The following CDK8 variants were observed in gnomAD, a reference collection of about 807,000 sequenced individuals.
CDK8 encodes the protein cyclin-dependent kinase 8.
Under a neutral mutation model 71.5 loss-of-function variants are expected in CDK8, and 29 were observed. The observed-to-expected ratio is 0.41, with a 90% CI of 0.30 to 0.55. The LOEUF is 0.55. Ranked by LOEUF, CDK8 falls within the 20% of genes least tolerant of loss-of-function variation. The pLI, the probability that CDK8 is intolerant of heterozygous loss-of-function variation, is 0.37. For missense variants in CDK8, 288 were observed against 572.6 expected, an observed-to-expected ratio of 0.50 and a Z score of 5.07; for synonymous variants, 161 against 192.1, an observed-to-expected ratio of 0.84 and a Z score of 1.34.
chr13:26,321,513 A>G (rs1470600976), intron 1 of CDK8, among the ~76,000 whole-genome samples: 1 of 152,144 alleles, frequency 6.6e-6, no homozygotes, highest in African/African-American at 2.4e-5. Flanking sequence ...CTGTACACTT[A>G]AAAATGGTTA....
chr13:26,275,161 T>C (rs17083605), intron 1 of CDK8, among the ~76,000 whole-genome samples: 16,457 of 152,176 alleles, frequency 0.11, 2,635 homozygotes, highest in African/African-American at 0.35. Flanking sequence ...TGTTACTCCC[T>C]TTGTTGTTTT....
At chr13:26,275,324 G>T (rs1184729249) in intron 1 of CDK8, among the ~76,000 whole-genome samples, 6 of 152,080 alleles carry the variant, frequency 3.9e-5, no homozygotes, top group Non-Finnish European at 7.4e-5. Flanking sequence ...TTGAGATTTG[G>T]GTTGAATTGT....
At chr13:26,269,545 A>AT (rs1363155658) in intron 1 of CDK8, among the ~76,000 whole-genome samples, 108 of 150,190 alleles carry the variant, frequency 7.2e-4, no homozygotes, top group African/African-American at 1.8e-3. Context: ...TTCTCTTTAG[A>AT]TTGTTTTTTT....
intron 1 of CDK8, among the ~76,000 whole-genome samples, chr13:26,277,784 T>C (rs1239491884): frequency 1.3e-5 from 2 of 152,140 alleles, no homozygotes; most frequent in Admixed American, 1.3e-4. Context: ...TCTCTAAAAG[T>C]TTAGGTATAT....
intron 4 of CDK8, among the ~76,000 whole-genome samples, chr13:26,362,221 T>TGG (rs1874176103): frequency 2.5e-5 from 3 of 120,066 alleles, no homozygotes; most frequent in Admixed American, 8.9e-5. Flanking sequence ...TGATAGATGA[T>TGG]AGATGGATGG....
At chr13:26,336,132 CACACACACACATACACACAT>C (rs1206397576) in intron 1 of CDK8, among the ~76,000 whole-genome samples, 1 of 151,364 alleles carries the variant, frequency 6.6e-6, no homozygotes, top group Non-Finnish European at 1.5e-5. Flanking sequence ...TACACACACA[CACACACACACATACACACAT>C]ACACACACAC....
intron 1 of CDK8, among the ~76,000 whole-genome samples, chr13:26,322,173 TG>T (rs960858586): frequency 1.3e-5 from 2 of 152,178 alleles, no homozygotes; most frequent in Admixed American, 6.6e-5. Context: ...GGAAATGACA[TG>T]GTTTCCTCCC....
intron 1 of CDK8, among the ~76,000 whole-genome samples, chr13:26,275,872 AC>A (rs921275622): frequency 1.3e-5 from 2 of 151,144 alleles, no homozygotes; most frequent in Admixed American, 1.3e-4. Flanking sequence ...ATTGGCTCTA[AC>A]TTTTTTTTTT....
At chr13:26,306,590 T>G (rs1426416687) in intron 1 of CDK8, among the ~76,000 whole-genome samples, 1 of 151,412 alleles carries the variant, frequency 6.6e-6, no homozygotes, top group Non-Finnish European at 1.5e-5. Flanking sequence ...CCTTGATTCT[T>G]CCCTACTTCC....
intron 1 of CDK8, among the ~76,000 whole-genome samples, chr13:26,301,708 A>T (rs1175682): frequency 1.3e-5 from 2 of 152,182 alleles, no homozygotes; most frequent in Middle Eastern, 3.4e-3. Flanking sequence ...GACATTCCCC[A>T]TAATGTCACC....
chr13:26,256,954 CTT>C (rs1871552527), intron 1 of CDK8, among the ~76,000 whole-genome samples: 1 of 151,938 alleles, frequency 6.6e-6, no homozygotes, highest in Admixed American at 6.6e-5. Context: ...TTTGACTTCT[CTT>C]TGTAACCTCA....
At chr13:26,256,561 CGTT>C in intron 1 of CDK8, among the ~76,000 whole-genome samples, 1 of 152,150 alleles carries the variant, frequency 6.6e-6, no homozygotes, top group East Asian at 1.9e-4. Context: ...TTTGTTTTAA[CGTT>C]GTACATTTTA....
chr13:26,320,617 C>T (rs534458852), intron 1 of CDK8, among the ~76,000 whole-genome samples: 1 of 152,120 alleles, frequency 6.6e-6, no homozygotes, highest in African/African-American at 2.4e-5. Context: ...AAAATATTTC[C>T]AAATTACATA....
intron 4 of CDK8, among the ~76,000 whole-genome samples, chr13:26,375,982 T>G (rs1008345035): frequency 6.6e-6 from 1 of 152,054 alleles, no homozygotes; most frequent in Admixed American, 6.6e-5. Flanking sequence ...GCCAAAAAAG[T>G]AGGGGGTGGG....
intron 1 of CDK8, among the ~76,000 whole-genome samples, chr13:26,284,004 A>C (rs1872885905): frequency 6.6e-6 from 1 of 152,212 alleles, no homozygotes; most frequent in Admixed American, 6.5e-5. Flanking sequence ...AAAACTGTAC[A>C]AATACATGGA....
intron 5 of CDK8, 121 bp from the exon 6 acceptor site, chr13:26,385,090 G>T: frequency 6.5e-6 from 5 of 766,058 alleles, no homozygotes; most frequent in Non-Finnish European, 1.0e-5. Flanking sequence ...TGTTTTGTGG[G>T]TTTCTTCCCC....
At chr13:26,352,246 C>T (rs144833416) in intron 3 of CDK8, among the ~76,000 whole-genome samples, 2,535 of 151,850 alleles carry the variant, frequency 0.017, 32 homozygotes, top group Non-Finnish European at 0.024. Flanking sequence ...GATGGAGTCT[C>T]GCTCTGTCGC....
intron 4 of CDK8, among the ~76,000 whole-genome samples, chr13:26,357,152 TAATA>T (rs1873930506): frequency 6.6e-6 from 1 of 152,204 alleles, no homozygotes; most frequent in Non-Finnish European, 1.5e-5. Context: ...CAGTCCTATT[TAATA>T]AATAATGATT....
At chr13:26,285,579 A>G (rs1872970475) in intron 1 of CDK8, among the ~76,000 whole-genome samples, 1 of 152,228 alleles carries the variant, frequency 6.6e-6, no homozygotes, top group African/African-American at 2.4e-5. Flanking sequence ...TGAGAACTGG[A>G]ACAAGACAAG....
Sources: gnomAD v4.1 joint callset for allele counts (sites outside exome capture counted in the v4.1 genomes callset) on GRCh38, gnomAD v4.1.1 for gene constraint, MANE v1.5 for transcripts, NCBI Gene and HGNC (gene_info 2026-07-23, HGNC 2026-07-21) for gene names.